MYO5A: variants seen among roughly 807,000 people sequenced by gnomAD.
MYO5A encodes the protein unconventional myosin-Va.
In MYO5A, 98 loss-of-function variants were observed where a neutral mutation model predicts 249.7. That is an observed-to-expected ratio of 0.39 (90% CI 0.33 to 0.46). The LOEUF (loss-of-function observed/expected upper bound fraction) is 0.46, where lower values mean the gene tolerates loss of function less well. Among genes scored for constraint, MYO5A ranks in the 20% least tolerant of loss-of-function variants. The pLI is 0.98. For synonymous variants in MYO5A, 778 were observed against 810.6 expected (o/e 0.96, Z 0.68); for missense variants, 1,696 against 2,308.8 (o/e 0.73, Z 5.44).
chr15:52,446,547 G>C (rs577204052), intron 1 of MYO5A, among the ~76,000 whole-genome samples: 2 of 152,212 alleles, frequency 1.3e-5, no homozygotes, highest in African/African-American at 4.8e-5. Flanking sequence ...CCTATACAGA[G>C]TTGCAAGGGG....
intron 34 of MYO5A, among the ~76,000 whole-genome samples, chr15:52,334,137 G>T (rs2039012055): frequency 6.6e-6 from 1 of 152,118 alleles, no homozygotes; most frequent in African/African-American, 2.4e-5. Flanking sequence ...GATTGACAAT[G>T]GCTTAAGATT....
chr15:52,321,672 T>C (rs1383861098), intron 37 of MYO5A, among the ~76,000 whole-genome samples, 163 bp from the exon 38 acceptor site: 2 of 152,108 alleles, frequency 1.3e-5, no homozygotes, highest in Non-Finnish European at 2.9e-5. Flanking sequence ...GTGTGTTTGT[T>C]TGCTTCCATC....
chr15:52,434,333 G>A (rs1026743055), intron 1 of MYO5A, among the ~76,000 whole-genome samples: 8 of 152,114 alleles, frequency 5.3e-5, no homozygotes, highest in African/African-American at 1.9e-4. Flanking sequence ...TTTGCATCCT[G>A]TGCTCTGCAA....
At chr15:52,497,531 C>T (rs4547284) in intron 1 of MYO5A, among the ~76,000 whole-genome samples, 22,144 of 150,246 alleles carry the variant, frequency 0.15, 1,755 homozygotes, top group Middle Eastern at 0.22. Flanking sequence ...CTGAGGCGGG[C>T]GGATTGCCTG....
intron 5 of MYO5A, among the ~76,000 whole-genome samples, chr15:52,410,890 T>G (rs1595623657): frequency 1.3e-5 from 2 of 152,192 alleles, no homozygotes; most frequent in African/African-American, 2.4e-5. Flanking sequence ...CTGATTCTTT[T>G]AAGAACAGAA....
chr15:52,439,665 G>A (rs2075745435), intron 1 of MYO5A, among the ~76,000 whole-genome samples: 1 of 152,118 alleles, frequency 6.6e-6, no homozygotes, highest in South Asian at 2.1e-4. Context: ...CAGAGTTTGA[G>A]GCCACCAAGC....
In MYO5A at chr15:52,368,432, C is replaced by T. The variant is rs201419937; in HGVS notation, c.3067-1308G>A. Among the ~76,000 whole-genome samples the T allele has an allele frequency of 9.2e-5, 14 of 152,244 alleles. No individual in the cohort carries two copies. In the East Asian group the frequency reaches 2.1e-3, roughly 23 times the overall value. On this transcript the variant is annotated intron_variant, in intron 22 of 41. Transcript: ENST00000399233. Reference sequence around the variant, plus strand: ...CCACACTCCCAGAGTCTGGATAGCTCCCTTTTTATATAAAAACTCCCCAGC... The same window carrying T: ...CCACACTCCCAGAGTCTGGATAGCTTCCTTTTTATATAAAAACTCCCCAGC...
chr15:52,418,132 G>T (rs779066746), intron 4 of MYO5A, among the ~76,000 whole-genome samples: 2 of 152,200 alleles, frequency 1.3e-5, no homozygotes, highest in Non-Finnish European at 2.9e-5. Flanking sequence ...AGAATCAGAA[G>T]TTTGGAAAGA....
At chr15:52,478,590 C>T (rs374966268) in intron 1 of MYO5A, among the ~76,000 whole-genome samples, 1 of 152,218 alleles carries the variant, frequency 6.6e-6, no homozygotes, top group East Asian at 1.9e-4. Context: ...GAGTGAACCT[C>T]TTTCTAAAAT....
At chr15:52,401,141 G>A (rs190379533) in intron 9 of MYO5A, among the ~76,000 whole-genome samples, 2 of 148,088 alleles carry the variant, frequency 1.4e-5, no homozygotes, top group Admixed American at 1.3e-4. Flanking sequence ...CGCGATCTTG[G>A]CTCACTGTAA....
chr15:52,379,494 G>C lies in MYO5A; in HGVS notation c.2208+131C>G, dbSNP rs908773827. The C allele has an allele frequency of 6.4e-6, 5 of 779,686 alleles. No homozygotes were observed. In the African/African-American group the frequency reaches 6.8e-5, roughly 11 times the overall value. 48.3% of individuals were successfully genotyped at this position (779,686 alleles called of 1,614,324 possible). ...TAGTTCCAGCATCCTAAACACAGTA[G>C]TGTGCCCCTCTCTGATCCCACCCCG... On this transcript the variant is annotated intron_variant, in intron 18 of 41. Transcript: ENST00000399233.
At chr15:52,408,169 A>G (rs1435533577) in intron 6 of MYO5A, 29 bp from the exon 7 acceptor site, 1 of 1,286,544 alleles carries the variant, frequency 7.8e-7, no homozygotes, top group South Asian at 1.2e-5. Context: ...TTTCAATTAC[A>G]GCATTTTAAT....
chr15:52,449,618 C>A (rs1327131758), intron 1 of MYO5A, among the ~76,000 whole-genome samples: 3 of 152,204 alleles, frequency 2.0e-5, no homozygotes, highest in Non-Finnish European at 4.4e-5. Flanking sequence ...ATTTCCTGTG[C>A]CAGCTCTACC....
chr15:52,367,284 T>C (rs75108023), intron 22 of MYO5A, among the ~76,000 whole-genome samples, 160 bp from the exon 23 acceptor site: 5,525 of 152,288 alleles, frequency 0.036, 336 homozygotes, highest in African/African-American at 0.13. Flanking sequence ...GCTCAAGCAT[T>C]ACTCCCTCCC....
In MYO5A at chr15:52,364,677, T is replaced by C; in HGVS notation, c.3186A>G (p.Glu1062=). The C allele has an allele frequency of 1.2e-6, 2 of 1,613,914 alleles. No homozygotes were observed. The highest frequency in any genetic ancestry group is 1.7e-6 in the Non-Finnish European group (2 of 1,179,918). ...MTETMEKKLV[E]ETKQLELDLN... is the part of the protein sequence containing the mutation. ...GGTCGAGTTCCAGTTGTTTCGTTTCTTCTACTAACTTCTTCTCCATAGTTT... is the reference window on the plus strand; with the variant it reads ...GGTCGAGTTCCAGTTGTTTCGTTTCCTCTACTAACTTCTTCTCCATAGTTT... The change falls in exon 24 of 42, where the codon GAA becomes GAG. Residue 1062 remains glutamate, a synonymous_variant. Transcript: ENST00000399233.
intron 1 of MYO5A, among the ~76,000 whole-genome samples, chr15:52,439,175 A>AGGCTTGCCACCATCTTGGAAGT (rs1412027951): frequency 1.3e-5 from 2 of 152,246 alleles, no homozygotes; most frequent in Non-Finnish European, 2.9e-5. Flanking sequence ...AGAGAACATG[A>AGGCTTGCCACCATCTTGGAAGT]GGCTTGCCAC....
At chr15:52,333,152 C>G (rs1348422459) in intron 34 of MYO5A, among the ~76,000 whole-genome samples, 1 of 151,750 alleles carries the variant, frequency 6.6e-6, no homozygotes, top group African/African-American at 2.4e-5. Flanking sequence ...AAATAAATTT[C>G]TGTTCTTTAT....
Position 52,399,100 on chromosome 15 carries a change from T to C in MYO5A, c.1054-1634A>G, listed in dbSNP as rs574219927. ...TTATTGTTCTATTACATCAAGATTG[T>C]TAACTGTTTGGTTTAAATTCTCCAC... On this transcript the variant is annotated intron_variant, in intron 9 of 41. Coordinates refer to ENST00000399233, the MANE Select transcript of MYO5A (RefSeq NM_001382347.1). Among the ~76,000 whole-genome samples the C allele has an allele frequency of 1.2e-4, 18 of 152,348 alleles. No individual in the cohort carries two copies. The East Asian group carries it at 3.3e-3, about 28-fold the overall frequency.
chr15:52,390,345 T>C (rs1051053057), intron 12 of MYO5A, among the ~76,000 whole-genome samples: 2 of 152,146 alleles, frequency 1.3e-5, no homozygotes, highest in African/African-American at 2.4e-5. Flanking sequence ...ATACATCGCA[T>C]GCCTATACCA....
Sources: gnomAD v4.1 joint callset for allele counts (sites outside exome capture counted in the v4.1 genomes callset) on GRCh38, gnomAD v4.1.1 for gene constraint, MANE v1.5 for transcripts, NCBI Gene and HGNC (gene_info 2026-07-23, HGNC 2026-07-21) for gene names.